PALLD: variants seen among roughly 807,000 people sequenced by gnomAD.
PALLD encodes the protein palladin.
A neutral mutation model predicts 123.5 loss-of-function variants in PALLD; 61 were observed. The ratio of observed to expected loss-of-function variants is 0.49; its 90% CI spans 0.40 to 0.61. The LOEUF is 0.61. Among genes scored for constraint, PALLD ranks in the 20% least tolerant of loss-of-function variants. PALLD has a pLI of 0.00. For synonymous variants in PALLD, 465 were observed against 496.4 expected (o/e 0.94, Z 0.84); for missense variants, 1,273 against 1,377.0 (o/e 0.92, Z 1.20).
chr4:168,637,258 GC>G (rs1181240340), intron 2 of PALLD, among the ~76,000 whole-genome samples: 2 of 152,154 alleles, frequency 1.3e-5, no homozygotes, highest in Middle Eastern at 3.4e-3. Flanking sequence ...TGAAGACGGT[GC>G]CTAGGAGCCC....
At position 168,711,833 on chromosome 4, in the gene PALLD, G is replaced by A. The variant is rs1784866104; in HGVS notation, c.1874G>A (p.Gly625Asp). 6.2e-7 allele frequency: 1 copy of A among 1,614,002 alleles called. No individual in the cohort carries two copies. Among genetic ancestry groups the A allele is most frequent in the Non-Finnish European group, 8.5e-7 (1 of 1,180,016 alleles). ...PSRGVNGLIN[G>D]KANSNKSLPT... is the part of the protein sequence containing the mutation. Reference sequence around the variant, plus strand: ...CGTGGAGTAAATGGACTGATTAACGGCAAAGCTAACAGTAATAAATCTCTT... The same window carrying A: ...CGTGGAGTAAATGGACTGATTAACGACAAAGCTAACAGTAATAAATCTCTT... Residue 625 changes from glycine to aspartate, a missense_variant, in exon 10 of 22, where the codon GGC becomes GAC. This residue lies in a region of PALLD where 944 missense variants were observed against 954.5 expected (regional missense o/e 0.99). Coordinates refer to ENST00000505667, the MANE Select transcript of PALLD (RefSeq NM_001166108.2).
chr4:168,831,028 G>A (rs1298409638), intron 10 of PALLD, among the ~76,000 whole-genome samples: 2 of 152,198 alleles, frequency 1.3e-5, no homozygotes, highest in Non-Finnish European at 2.9e-5. Context: ...ACAGCTTATT[G>A]TGTGTGAAAG....
intron 14 of PALLD, among the ~76,000 whole-genome samples, chr4:168,899,057 C>A (rs1180277523): frequency 6.6e-6 from 1 of 152,048 alleles, no homozygotes; most frequent in Non-Finnish European, 1.5e-5. Context: ...TGGTGAGTGG[C>A]CAGGCCTGCA....
chr4:168,583,241 T>G (rs1254063016), intron 2 of PALLD, among the ~76,000 whole-genome samples: 1 of 152,210 alleles, frequency 6.6e-6, no homozygotes, highest in Non-Finnish European at 1.5e-5. Context: ...ATATTGTTCC[T>G]ACAATATTTT....
chr4:168,759,851 C>T (rs1405091596), intron 10 of PALLD, among the ~76,000 whole-genome samples: 2 of 151,976 alleles, frequency 1.3e-5, no homozygotes, highest in African/African-American at 2.4e-5. Flanking sequence ...CCCAGGAGTT[C>T]GAGATCAGCC....
intron 8 of PALLD, among the ~76,000 whole-genome samples, chr4:168,708,269 C>T (rs1275700797): frequency 1.3e-5 from 2 of 152,250 alleles, no homozygotes; most frequent in Non-Finnish European, 1.5e-5. Flanking sequence ...CTCTTGTTAT[C>T]GTCATCATCA....
chr4:168,681,931 A>G (rs1425580253), intron 4 of PALLD, among the ~76,000 whole-genome samples: 1 of 152,132 alleles, frequency 6.6e-6, no homozygotes, highest in African/African-American at 2.4e-5. Context: ...TACCATATGC[A>G]ATGTTAGTTT....
At chr4:168,756,620 T>C (rs771719415) in intron 10 of PALLD, among the ~76,000 whole-genome samples, 2 of 152,180 alleles carry the variant, frequency 1.3e-5, no homozygotes, top group Non-Finnish European at 2.9e-5. Flanking sequence ...GTGGTATTTA[T>C]GGACGTGGTG....
intron 2 of PALLD, among the ~76,000 whole-genome samples, chr4:168,605,222 C>A (rs959776144): frequency 2.7e-5 from 4 of 147,236 alleles, no homozygotes; most frequent in Non-Finnish European, 5.9e-5. Flanking sequence ...GGTTCTCAAG[C>A]CTGGCTGCCC....
intron 10 of PALLD, chr4:168,864,389 A>G (rs973711926): frequency 1.3e-5 from 2 of 152,216 alleles, no homozygotes; most frequent in African/African-American, 4.8e-5. Flanking sequence ...TCATCACTTG[A>G]GAGGCTAAGA....
At chr4:168,803,764 G>A (rs758699996) in intron 10 of PALLD, among the ~76,000 whole-genome samples, 15 of 152,208 alleles carry the variant, frequency 9.9e-5, no homozygotes, top group South Asian at 4.2e-4. Flanking sequence ...CGCAGTAACC[G>A]TGAGGGTTTA....
rs574575488 is a variant in PALLD at position 168,519,138 on chromosome 4, A to C, written c.908+6726A>C. On this transcript the variant is annotated intron_variant, in intron 2 of 21. Transcript: ENST00000505667. ...ACTATTTCAGGCTTACGGATGTAGT[A>C]GTACAGAGAAATGTGTGGGAATGAG... Among the ~76,000 whole-genome samples, 7 of 152,352 alleles carry C rather than the reference A, an allele frequency of 4.6e-5. No individual in the cohort carries two copies. In the South Asian group the frequency reaches 1.5e-3, roughly 32 times the overall value.
chr4:168,504,604 A>T (rs903980822), intron 1 of PALLD, among the ~76,000 whole-genome samples: 93 of 152,192 alleles, frequency 6.1e-4, no homozygotes, highest in African/African-American at 2.1e-3. Context: ...AAAAAAAAAA[A>T]AAAAATGGCT....
chr4:168,862,464 A>T lies in PALLD; in HGVS notation c.1965-28458A>T, dbSNP rs146619220. On this transcript the variant is annotated intron_variant, in intron 10 of 21. Coordinates refer to ENST00000505667, the MANE Select transcript of PALLD (RefSeq NM_001166108.2). ...GCCCAGCCAAGAAAAAAGTTTTATT[A>T]TGACTACTGTACTGATTTTCAGGAA... Among the ~76,000 whole-genome samples the T allele has an allele frequency of 1.1e-3, 163 of 152,312 alleles. No homozygotes were observed. The Middle Eastern group carries it at 0.017, about 16-fold the overall frequency.
At chr4:168,554,105 G>A (rs1355076725) in intron 2 of PALLD, among the ~76,000 whole-genome samples, 4 of 152,148 alleles carry the variant, frequency 2.6e-5, no homozygotes, top group African/African-American at 7.2e-5. Flanking sequence ...GTTCAATGCC[G>A]GACATCCTTC....
At chr4:168,791,537 G>T (rs1476614489) in intron 10 of PALLD, among the ~76,000 whole-genome samples, 1 of 152,142 alleles carries the variant, frequency 6.6e-6, no homozygotes, top group Non-Finnish European at 1.5e-5. Flanking sequence ...AAAGCCATCA[G>T]ATCTGGTGAG....
chr4:168,890,261 A>G (rs911623253), intron 10 of PALLD, among the ~76,000 whole-genome samples: 7 of 152,200 alleles, frequency 4.6e-5, no homozygotes, highest in Non-Finnish European at 2.9e-5. Context: ...CCCTGGCCTC[A>G]CCAGAAGTTC....
chr4:168,738,500 G>T (rs1787982631), intron 10 of PALLD, among the ~76,000 whole-genome samples: 1 of 151,312 alleles, frequency 6.6e-6, no homozygotes, highest in African/African-American at 2.4e-5. Context: ...GTGAGATCTT[G>T]ACTCACTGCA....
At position 168,511,726 on chromosome 4, in the gene PALLD, C is replaced by T. The variant is rs201038000; in HGVS notation, c.222C>T (p.Ser74=). The T allele has an allele frequency of 6.2e-7, 1 of 1,614,042 alleles. No homozygotes were observed. The highest frequency in any genetic ancestry group is 8.5e-7 in the Non-Finnish European group (1 of 1,180,022). Residue 74 remains serine, a synonymous_variant, in exon 2 of 22, where the codon AGC becomes AGT. Coordinates refer to ENST00000505667, the MANE Select transcript of PALLD (RefSeq NM_001166108.2). ...AGATTTTCAGTACTTCTCCTGCAAGCCTCTGTGAACATCCTTCCCATAAGG... is the reference window on the plus strand; with the variant it reads ...AGATTTTCAGTACTTCTCCTGCAAGTCTCTGTGAACATCCTTCCCATAAGG... ...ISQIFSTSPA[S]LCEHPSHKET...
Sources: allele counts gnomAD v4.1 joint callset (sites outside exome capture counted in the v4.1 genomes callset), GRCh38; gene constraint gnomAD v4.1.1; regional missense constraint gnomAD v4.1.1; transcripts MANE v1.5; gene names NCBI Gene and HGNC (gene_info 2026-07-23, HGNC 2026-07-21).